The following NTM variants were observed in gnomAD, a reference collection of about 807,000 sequenced individuals.
NTM encodes the protein IgLON family member 2.
A neutral mutation model predicts 42.1 loss-of-function variants in NTM; 13 were observed. That is an observed-to-expected ratio of 0.31 (90% CI 0.20 to 0.49). The LOEUF is 0.49. NTM is among the 20% of genes least tolerant of loss of function. The probability of loss-of-function intolerance (pLI) is 0.99; values close to 1 mark genes in which losing one functional copy is unlikely to be tolerated. For synonymous variants in NTM, 187 were observed against 179.2 expected, an observed-to-expected ratio of 1.04 and a Z score of -0.35; for missense variants, 373 against 452.8, an observed-to-expected ratio of 0.82 and a Z score of 1.60.
At chr11:131,972,313 C>A (rs1201479919) in intron 2 of NTM, among the ~76,000 whole-genome samples, 1 of 151,992 alleles carries the variant, frequency 6.6e-6, no homozygotes. Flanking sequence ...AAATAACTTA[C>A]AATAGTGTCT....
intron 2 of NTM, among the ~76,000 whole-genome samples, chr11:132,130,496 C>T (rs1211568430): frequency 7.2e-5 from 11 of 152,224 alleles, no homozygotes; most frequent in Admixed American, 2.6e-4. Flanking sequence ...GGTTCTTCTG[C>T]GTTCTGCTGA....
At chr11:132,222,191 G>T (rs1409869955) in intron 4 of NTM, among the ~76,000 whole-genome samples, 1 of 152,150 alleles carries the variant, frequency 6.6e-6, no homozygotes, top group African/African-American at 2.4e-5. Context: ...CTTGTGTGGA[G>T]GTTGGACTTC....
At chr11:131,813,044 T>C (rs1428411528) in intron 1 of NTM, among the ~76,000 whole-genome samples, 2 of 152,308 alleles carry the variant, frequency 1.3e-5, no homozygotes, top group East Asian at 3.9e-4. Context: ...TTTAGTGAGT[T>C]GGGTCTTATT....
At chr11:131,431,511 G>T (rs73586780) in intron 1 of NTM, among the ~76,000 whole-genome samples, 9 of 152,154 alleles carry the variant, frequency 5.9e-5, no homozygotes, top group Non-Finnish European at 1.2e-4. Flanking sequence ...TGCATCTCAG[G>T]TTAAGAGAGT....
intron 1 of NTM, among the ~76,000 whole-genome samples, chr11:131,854,204 G>T (rs1239212848): frequency 6.6e-6 from 1 of 152,214 alleles, no homozygotes; most frequent in African/African-American, 2.4e-5. Context: ...TCCTAGATAT[G>T]AAGAGGCTCT....
chr11:131,916,791 A>G (rs1022053120), intron 2 of NTM, among the ~76,000 whole-genome samples: 31 of 152,178 alleles, frequency 2.0e-4, no homozygotes, highest in Non-Finnish European at 3.4e-4. Flanking sequence ...TAAAATCCGA[A>G]GGACTCTCAT....
intron 1 of NTM, among the ~76,000 whole-genome samples, chr11:131,792,728 G>A (rs139626455): frequency 6.6e-6 from 1 of 152,306 alleles, no homozygotes; most frequent in Non-Finnish European, 1.5e-5. Context: ...GCCACGTGCA[G>A]CCCCTTGATC....
chr11:131,581,673 G>C (rs2058424056), intron 1 of NTM, among the ~76,000 whole-genome samples: 1 of 152,178 alleles, frequency 6.6e-6, no homozygotes, highest in Non-Finnish European at 1.5e-5. Context: ...AGTTTGGTTT[G>C]ATTACTGAAC....
At position 131,707,948 on chromosome 11, in the gene NTM, C is replaced by A. The variant is rs147021504; in HGVS notation, c.83-203616C>A. On this transcript the variant is annotated intron_variant, in intron 1 of 8. Coordinates refer to ENST00000683400, the MANE Select transcript of NTM (RefSeq NM_001352005.2). Reference sequence around the variant, plus strand: ...TTAGGCAAGAAAAATAAATAAAAAGCATCCAAATTGAAAAAGAAGTAAAAT... The same window carrying A: ...TTAGGCAAGAAAAATAAATAAAAAGAATCCAAATTGAAAAAGAAGTAAAAT... Among the ~76,000 whole-genome samples, 223 of 152,200 alleles carry A rather than the reference C, an allele frequency of 1.5e-3. 1 individual carries two copies. The highest frequency in any genetic ancestry group is 0.012 in the Admixed American group (188 of 15,294).
intron 1 of NTM, chr11:131,795,035 C>T (rs1391890093): frequency 1.0e-6 from 1 of 973,466 alleles, no homozygotes; most frequent in East Asian, 1.1e-4. Flanking sequence ...GACCCTGTAG[C>T]CAAAGGGGGG....
intron 2 of NTM, among the ~76,000 whole-genome samples, chr11:131,998,110 T>A (rs1470399043): frequency 6.6e-6 from 1 of 152,218 alleles, no homozygotes; most frequent in South Asian, 2.1e-4. Flanking sequence ...GTGGGGCCAC[T>A]TTTCATCTCA....
chr11:132,122,075 A>C (rs1351528338), intron 2 of NTM, among the ~76,000 whole-genome samples: 1 of 152,218 alleles, frequency 6.6e-6, no homozygotes, highest in Non-Finnish European at 1.5e-5. Context: ...AAATGTAGGC[A>C]AAGTGCTATA....
At chr11:132,286,325 A>C (rs1269751767) in intron 4 of NTM, among the ~76,000 whole-genome samples, 1 of 152,172 alleles carries the variant, frequency 6.6e-6, no homozygotes, top group Non-Finnish European at 1.5e-5. Flanking sequence ...GCCACTCTGC[A>C]CTTCATCTCA....
intron 1 of NTM, among the ~76,000 whole-genome samples, chr11:131,714,613 C>T (rs1003742032): frequency 5.3e-5 from 8 of 152,202 alleles, no homozygotes; most frequent in Non-Finnish European, 1.2e-4. Context: ...ACATTCCTGC[C>T]GTAGGGAGTC....
chr11:131,450,176 T>A (rs1550976), intron 1 of NTM, among the ~76,000 whole-genome samples: 1 of 152,036 alleles, frequency 6.6e-6, no homozygotes, highest in East Asian at 1.9e-4. Flanking sequence ...CACTCCCATG[T>A]GGGCCAGTCT....
At chr11:132,242,578 T>C (rs1566560291) in intron 4 of NTM, among the ~76,000 whole-genome samples, 1 of 152,244 alleles carries the variant, frequency 6.6e-6, no homozygotes, top group Non-Finnish European at 1.5e-5. Context: ...CAGGTGCCCT[T>C]AGGCCTGCGC....
At chr11:132,069,087 G>T (rs2056964848) in intron 2 of NTM, among the ~76,000 whole-genome samples, 1 of 151,896 alleles carries the variant, frequency 6.6e-6, no homozygotes, top group African/African-American at 2.4e-5. Flanking sequence ...ACACAGCCAA[G>T]TTAACACAAC....
chr11:131,924,790 G>T (rs2057726088), intron 2 of NTM, among the ~76,000 whole-genome samples: 1 of 152,186 alleles, frequency 6.6e-6, no homozygotes, highest in Non-Finnish European at 1.5e-5. Context: ...GCTTCTGAGA[G>T]TTCAGAGATG....
chr11:131,430,375 G>A (rs1180039774), intron 1 of NTM, among the ~76,000 whole-genome samples: 1 of 152,150 alleles, frequency 6.6e-6, no homozygotes, highest in Non-Finnish European at 1.5e-5. Flanking sequence ...AATGACTGAA[G>A]AGCAGAAAAT....
Sources: allele counts gnomAD v4.1 joint callset (sites outside exome capture counted in the v4.1 genomes callset), GRCh38; gene constraint gnomAD v4.1.1; transcripts MANE v1.5; gene names NCBI Gene and HGNC (gene_info 2026-07-23, HGNC 2026-07-21).